HTR1F: variants seen among roughly 807,000 people sequenced by gnomAD.
The protein encoded by HTR1F is 5-hydroxytryptamine (serotonin) receptor 1F, G protein-coupled.
A neutral mutation model predicts 24.0 loss-of-function variants in HTR1F; 17 were observed. The observed-to-expected ratio is 0.71, with a 90% CI of 0.48 to 1.06. The LOEUF (loss-of-function observed/expected upper bound fraction) is 1.06, where lower values mean the gene tolerates loss of function less well. Among genes scored for constraint, HTR1F ranks in the 50% least tolerant of loss-of-function variants. The pLI is 0.00. For synonymous variants in HTR1F, 186 were observed against 156.8 expected, an observed-to-expected ratio of 1.19 and a Z score of -1.39; for missense variants, 391 against 427.8, an observed-to-expected ratio of 0.91 and a Z score of 0.76.
At chr3:87,872,038 T>C (rs1705569442) in intron 2 of HTR1F, among the ~76,000 whole-genome samples, 1 of 152,050 alleles carries the variant, frequency 6.6e-6, no homozygotes, top group South Asian at 2.1e-4. Flanking sequence ...CTTGAAAAGA[T>C]TGAAATCATA....
At chr3:87,969,206 G>C (rs1333184996) in intron 2 of HTR1F, among the ~76,000 whole-genome samples, 1 of 152,214 alleles carries the variant, frequency 6.6e-6, no homozygotes, top group Non-Finnish European at 1.5e-5. Flanking sequence ...TCCCCACTGG[G>C]GCACTGCCTA....
At chr3:87,903,416 A>T (rs1242533531) in intron 2 of HTR1F, among the ~76,000 whole-genome samples, 1 of 152,196 alleles carries the variant, frequency 6.6e-6, no homozygotes, top group East Asian at 1.9e-4. Context: ...AATGAACTCA[A>T]ACAAAGTTAC....
chr3:87,878,356 G>C (rs903252513), intron 2 of HTR1F, among the ~76,000 whole-genome samples: 1 of 151,750 alleles, frequency 6.6e-6, no homozygotes, highest in African/African-American at 2.4e-5. Context: ...GGTAGACCCA[G>C]GAAGTAAATG....
At chr3:87,915,455 C>T (rs754065912) in intron 2 of HTR1F, among the ~76,000 whole-genome samples, 7 of 151,410 alleles carry the variant, frequency 4.6e-5, no homozygotes, top group South Asian at 2.1e-4. Flanking sequence ...CCCAAAAAAA[C>T]GATACAAGAA....
intron 2 of HTR1F, among the ~76,000 whole-genome samples, chr3:87,969,623 C>A (rs552873599): frequency 4.6e-5 from 7 of 152,044 alleles, no homozygotes; most frequent in Non-Finnish European, 8.8e-5. Context: ...GGCTCACAGG[C>A]GGAAGGGACT....
Position 87,894,597 on chromosome 3 carries a change from C to G in HTR1F, c.-43+72473C>G, listed in dbSNP as rs1429471520. ...TTTTTTTTTTTTTGAGACAGAGTCT[C>G]TCTCTGTCACCCAGGCTGGAGTGCC... is the stretch of plus-strand genomic sequence containing the variant. On this transcript the variant is annotated intron_variant, in intron 2 of 2. Transcript: ENST00000319595. 9.1e-5 allele frequency among the ~76,000 whole-genome samples: 11 copies of G among 120,520 alleles called. No homozygotes were observed. The East Asian group carries it at 2.6e-3, about 29-fold the overall frequency. 79.1% of individuals were successfully genotyped at this position (120,520 alleles called of 152,430 possible).
intron 2 of HTR1F, among the ~76,000 whole-genome samples, chr3:87,973,542 T>TA (rs1277108040): frequency 1.3e-5 from 2 of 152,182 alleles, no homozygotes; most frequent in African/African-American, 2.4e-5. Context: ...TAATGGCTTT[T>TA]AAAAAACACA....
intron 1 of HTR1F, among the ~76,000 whole-genome samples, chr3:87,798,127 A>G (rs763782182): frequency 5.3e-5 from 8 of 152,020 alleles, no homozygotes; most frequent in Non-Finnish European, 1.2e-4. Context: ...CATCACTCTC[A>G]TCAAATCTTT....
intron 2 of HTR1F, among the ~76,000 whole-genome samples, chr3:87,852,008 C>G (rs1705097612): frequency 6.7e-6 from 1 of 150,344 alleles, no homozygotes; most frequent in African/African-American, 2.4e-5. Context: ...CCAGCAATAG[C>G]TGAGACTCTA....
intron 2 of HTR1F, among the ~76,000 whole-genome samples, chr3:87,976,458 TTCAAG>T (rs1374555879): frequency 2.0e-5 from 3 of 151,390 alleles, no homozygotes; most frequent in African/African-American, 7.3e-5. Flanking sequence ...GGCTGAGGAG[TTCAAG>T]TCAAGTCTGG....
chr3:87,978,587 T>A (rs1705451016), intron 2 of HTR1F, among the ~76,000 whole-genome samples: 1 of 151,876 alleles, frequency 6.6e-6, no homozygotes, highest in African/African-American at 2.4e-5. Flanking sequence ...GTACCTCCTA[T>A]TTGCAGGCAG....
chr3:87,844,889 T>G (rs1704903119), intron 2 of HTR1F, among the ~76,000 whole-genome samples: 1 of 151,694 alleles, frequency 6.6e-6, no homozygotes, highest in Non-Finnish European at 1.5e-5. Flanking sequence ...TTGATCTATA[T>G]CTCTGTTTTG....
intron 2 of HTR1F, among the ~76,000 whole-genome samples, chr3:87,933,663 C>T (rs1704340206): frequency 6.6e-6 from 1 of 152,114 alleles, no homozygotes; most frequent in Admixed American, 6.5e-5. Context: ...TGAAGGACCT[C>T]TTCAAGGAGA....
At chr3:87,905,335 TA>T (rs1048483164) in intron 2 of HTR1F, among the ~76,000 whole-genome samples, 25 of 147,052 alleles carry the variant, frequency 1.7e-4, no homozygotes, top group African/African-American at 2.5e-4. Flanking sequence ...AAAGTTTGTG[TA>T]AAAAAAAAAC....
intron 2 of HTR1F, among the ~76,000 whole-genome samples, chr3:87,932,776 A>G (rs1383235248): frequency 3.3e-5 from 5 of 151,768 alleles, no homozygotes; most frequent in Non-Finnish European, 7.4e-5. Flanking sequence ...CCAGAGGTAC[A>G]AGGAGGAGAT....
chr3:87,965,555 C>G (rs1243840240), intron 2 of HTR1F, among the ~76,000 whole-genome samples: 1 of 152,040 alleles, frequency 6.6e-6, no homozygotes, highest in African/African-American at 2.4e-5. Context: ...AGTTAAAAAG[C>G]CTTTTGAAAG....
chr3:87,813,377 G>A (rs1233789560), intron 1 of HTR1F, among the ~76,000 whole-genome samples: 1 of 152,192 alleles, frequency 6.6e-6, no homozygotes, highest in Non-Finnish European at 1.5e-5. Context: ...TCACCATTTG[G>A]AATGGGAGCA....
At chr3:87,850,346 A>G (rs1238990750) in intron 2 of HTR1F, among the ~76,000 whole-genome samples, 2 of 151,854 alleles carry the variant, frequency 1.3e-5, no homozygotes, top group Non-Finnish European at 2.9e-5. Flanking sequence ...TTCTCAGCAA[A>G]CTATCGCAAG....
chr3:87,798,809 T>C (rs1703948174), intron 1 of HTR1F, among the ~76,000 whole-genome samples: 1 of 152,224 alleles, frequency 6.6e-6, no homozygotes, highest in African/African-American at 2.4e-5. Flanking sequence ...CATCCATGCC[T>C]TATTTTTCCT....
Sources: gnomAD v4.1 joint callset for allele counts (sites outside exome capture counted in the v4.1 genomes callset) on GRCh38, gnomAD v4.1.1 for gene constraint, MANE v1.5 for transcripts, NCBI Gene and HGNC (gene_info 2026-07-23, HGNC 2026-07-21) for gene names.